The following ITPR1 variants were observed in gnomAD, a reference collection of about 807,000 sequenced individuals.
ITPR1 encodes inositol 1,4,5-trisphosphate receptor type 1.
Under a neutral mutation model 318.4 loss-of-function variants are expected in ITPR1, and 96 were observed. The observed-to-expected ratio is 0.30, with a 90% CI of 0.26 to 0.36. The LOEUF (loss-of-function observed/expected upper bound fraction) is 0.36, where lower values mean the gene tolerates loss of function less well. Ranked by LOEUF, ITPR1 falls within the 10% of genes least tolerant of loss-of-function variation. The probability of loss-of-function intolerance (pLI) is 1.00; values close to 1 mark genes in which losing one functional copy is unlikely to be tolerated. For synonymous variants in ITPR1, 1,312 were observed against 1,289.9 expected (o/e 1.02, Z -0.37); for missense variants, 2,440 against 3,460.2 (o/e 0.71, Z 7.40).
intron 44 of ITPR1, among the ~76,000 whole-genome samples, chr3:4,761,407 C>A (rs1373037538): frequency 2.0e-5 from 3 of 152,238 alleles, no homozygotes; most frequent in African/African-American, 4.8e-5. Flanking sequence ...AAATGACCCC[C>A]AGCTGCATCC....
chr3:4,566,604 GCACACACACA>G lies in ITPR1; in HGVS notation c.163+45540_163+45549del, dbSNP rs57756103. 4.9e-3 allele frequency among the ~76,000 whole-genome samples: 687 copies of G among 140,982 alleles called. 6 individuals carry two copies. Among genetic ancestry groups the G allele is most frequent in the African/African-American group, 0.016 (611 of 37,098 alleles). The allele number at this position is 140,982 out of a possible 152,430, so 92.5% of individuals were successfully genotyped here. A position where few individuals can be genotyped will look rare whatever the true frequency, so the allele number is the denominator to read the frequency against. On this transcript the variant is annotated intron_variant, in intron 4 of 61. Transcript: ENST00000649015. ...CCAGGAAGCCTGAATGGGGACACATGCACACACACACACACACACACACACACACACACAC... is the reference window on the plus strand; with the variant it reads ...CCAGGAAGCCTGAATGGGGACACATGCACACACACACACACACACACACAC...
chr3:4,669,920 A>T lies in ITPR1; in HGVS notation c.2006+147A>T, dbSNP rs1382629544. 2.0e-5 allele frequency: 17 copies of T among 844,400 alleles called. No individual in the cohort carries two copies. The East Asian group carries it at 5.5e-4, about 27-fold the overall frequency. 52.3% of individuals were successfully genotyped at this position (844,400 alleles called of 1,614,324 possible). A position where few individuals can be genotyped will look rare whatever the true frequency, so the allele number is the denominator to read the frequency against. On this transcript the variant is annotated intron_variant, in intron 19 of 61. Transcript: ENST00000649015. Reference sequence around the variant, plus strand: ...TGATCTTCTTATTGGAAAAGTCTTGATTAGGAGAATTCCCGAATTTGATTT... The same window carrying T: ...TGATCTTCTTATTGGAAAAGTCTTGTTTAGGAGAATTCCCGAATTTGATTT...
chr3:4,558,569 G>A (rs1559445192), intron 4 of ITPR1, among the ~76,000 whole-genome samples: 2 of 152,140 alleles, frequency 1.3e-5, no homozygotes, highest in South Asian at 4.1e-4. Flanking sequence ...TGTAGGTGAT[G>A]CAACAGGAAT....
chr3:4,753,394 A>G (rs2044700026), intron 44 of ITPR1, among the ~76,000 whole-genome samples: 1 of 152,036 alleles, frequency 6.6e-6, no homozygotes, highest in South Asian at 2.1e-4. Flanking sequence ...CTTTACCCAG[A>G]TGAGTGCTGT....
At chr3:4,822,776 G>A (rs1020113910) in intron 60 of ITPR1, among the ~76,000 whole-genome samples, 6 of 152,106 alleles carry the variant, frequency 3.9e-5, no homozygotes, top group Admixed American at 6.5e-5. Context: ...TCACAGCGCC[G>A]CTCATTCCCC....
rs2047004867 is a variant in ITPR1, at chr3:4,784,051, T to A, written c.6615+131T>A. ...TGAGTGTGTACTGTGTGCTAGGTCC[T>A]GGGCTGGGTGCTGGACATCCCATGG... is the stretch of plus-strand genomic sequence containing the variant. On this transcript the variant is annotated intron_variant, in intron 51 of 61. Coordinates refer to ENST00000649015, the MANE Select transcript of ITPR1 (RefSeq NM_001378452.1). 11 of 640,704 alleles carry A rather than the reference T, an allele frequency of 1.7e-5. 1 individual carries two copies. In the South Asian group the frequency reaches 2.1e-4, roughly 12 times the overall value. The allele number at this position is 640,704 out of a possible 1,614,324, so 39.7% of individuals were successfully genotyped here.
Position 4,617,364 on chromosome 3 carries a change from C to T in ITPR1, c.164-10399C>T, listed in dbSNP as rs186948253. ...GTCTGGTGATGGCCTGGTCTCTGCT[C>T]TCAAGATGGTATTTCAAATACTGCA... On this transcript the variant is annotated intron_variant, in intron 4 of 61. Transcript: ENST00000649015. 1.8e-3 allele frequency among the ~76,000 whole-genome samples: 270 copies of T among 152,230 alleles called. 1 individual carries two copies. Among genetic ancestry groups the T allele is most frequent in the Admixed American group, 6.0e-3 (92 of 15,290 alleles).
At chr3:4,510,925 C>A (rs2081770088) in intron 2 of ITPR1, among the ~76,000 whole-genome samples, 1 of 152,046 alleles carries the variant, frequency 6.6e-6, no homozygotes, top group Non-Finnish European at 1.5e-5. Flanking sequence ...AGGCAAGGGC[C>A]CTGTGGCAGG....
At chr3:4,761,934 G>A (rs557076979) in intron 44 of ITPR1, among the ~76,000 whole-genome samples, 1 of 152,292 alleles carries the variant, frequency 6.6e-6, no homozygotes, top group African/African-American at 2.4e-5. Context: ...CTAAGTCTAG[G>A]TCACACCAGG....
At chr3:4,539,056 A>G (rs1283349557) in intron 4 of ITPR1, among the ~76,000 whole-genome samples, 1 of 152,224 alleles carries the variant, frequency 6.6e-6, no homozygotes, top group Non-Finnish European at 1.5e-5. Flanking sequence ...ATTTATATGT[A>G]TGCATATGAA....
chr3:4,599,929 T>C lies in ITPR1; in HGVS notation c.164-27834T>C, dbSNP rs116511353. ...ACTCACCACAGGATAATGAAGATCT[T>C]AGTCTCTCCCAGAAGTCTCCTCCTG... On this transcript the variant is annotated intron_variant, in intron 4 of 61. Coordinates refer to ENST00000649015, the MANE Select transcript of ITPR1 (RefSeq NM_001378452.1). 7.4e-3 allele frequency among the ~76,000 whole-genome samples: 1,126 copies of C among 152,296 alleles called. 16 individuals are homozygous for C. Among genetic ancestry groups the C allele is most frequent in the African/African-American group, 0.025 (1,051 of 41,562 alleles).
chr3:4,694,641 C>A (rs2094529895), intron 33 of ITPR1, among the ~76,000 whole-genome samples: 1 of 152,234 alleles, frequency 6.6e-6, no homozygotes, highest in South Asian at 2.1e-4. Context: ...CAAACATGCA[C>A]AACATGTGAC....
intron 44 of ITPR1, among the ~76,000 whole-genome samples, chr3:4,737,567 G>C (rs768487591): frequency 5.3e-5 from 8 of 152,214 alleles, no homozygotes; most frequent in Non-Finnish European, 8.8e-5. Flanking sequence ...GCCTTGGATG[G>C]GGGTTGGGGT....
chr3:4,596,164 A>G (rs1003508286), intron 4 of ITPR1: 1 of 152,192 alleles, frequency 6.6e-6, no homozygotes, highest in Non-Finnish European at 1.5e-5. Flanking sequence ...TTAAGTTGCT[A>G]TCTATGTATC....
chr3:4,693,938 A>C (rs2094518072), intron 33 of ITPR1, among the ~76,000 whole-genome samples, 197 bp downstream of exon 33: 1 of 152,226 alleles, frequency 6.6e-6, no homozygotes, highest in Admixed American at 6.5e-5. Flanking sequence ...ACACGGAAGA[A>C]GTTAGTCGTT....
intron 40 of ITPR1, among the ~76,000 whole-genome samples, chr3:4,721,119 T>C (rs2042122589): frequency 6.8e-6 from 1 of 146,616 alleles, no homozygotes; most frequent in Non-Finnish European, 1.5e-5. Context: ...TATATATATA[T>C]ATATATTTAT....
At chr3:4,592,394 G>T (rs555672448) in intron 4 of ITPR1, among the ~76,000 whole-genome samples, 2 of 152,026 alleles carry the variant, frequency 1.3e-5, no homozygotes. Context: ...TAAAATATAC[G>T]GTCTTTCATC....
intron 4 of ITPR1, among the ~76,000 whole-genome samples, chr3:4,552,037 T>G (rs1489885446): frequency 1.3e-5 from 2 of 152,248 alleles, no homozygotes; most frequent in Non-Finnish European, 2.9e-5. Flanking sequence ...TTTATCTGTT[T>G]TGTTTAGGAT....
intron 44 of ITPR1, chr3:4,750,742 T>C (rs1035407726): frequency 1.3e-5 from 2 of 151,898 alleles, no homozygotes; most frequent in Non-Finnish European, 2.9e-5. Flanking sequence ...TTTCTTTCTT[T>C]CTTTTTTTTT....
Sources: gnomAD v4.1 joint callset for allele counts (sites outside exome capture counted in the v4.1 genomes callset) on GRCh38, gnomAD v4.1.1 for gene constraint, MANE v1.5 for transcripts, NCBI Gene and HGNC (gene_info 2026-07-23, HGNC 2026-07-21) for gene names.